KCNQ1: variants seen among roughly 807,000 people sequenced by gnomAD.
KCNQ1 encodes the protein potassium voltage-gated channel subfamily KQT member 1.
KCNQ1 carries 49 observed loss-of-function variants against 72.4 expected under a neutral mutation model. The observed-to-expected ratio is 0.68, with a 90% CI of 0.54 to 0.86. The LOEUF is 0.86. Ranked by LOEUF, KCNQ1 falls within the 40% of genes least tolerant of loss-of-function variation. The probability of loss-of-function intolerance (pLI) is 0.00; values close to 1 mark genes in which losing one functional copy is unlikely to be tolerated. For missense variants in KCNQ1, 790 were observed against 945.1 expected, an observed-to-expected ratio of 0.84 and a Z score of 2.15; for synonymous variants, 450 against 412.6, an observed-to-expected ratio of 1.09 and a Z score of -1.10.
chr11:2,576,002 T>C (rs1057399861), intron 6 of KCNQ1, among the ~76,000 whole-genome samples: 2 of 152,264 alleles, frequency 1.3e-5, no homozygotes, highest in Non-Finnish European at 2.9e-5. Context: ...CGGCCGCCTC[T>C]TTCCTCTGTG....
intron 15 of KCNQ1, among the ~76,000 whole-genome samples, chr11:2,793,270 A>G (rs948982095): frequency 6.6e-6 from 1 of 152,180 alleles, no homozygotes; most frequent in African/African-American, 2.4e-5. Context: ...ACGGGTGGAA[A>G]TTGCACTAGC....
intron 10 of KCNQ1, chr11:2,634,029 C>G (rs906709559): frequency 2.5e-6 from 1 of 398,402 alleles, no homozygotes; most frequent in Non-Finnish European, 4.4e-6. Context: ...GTGCCTCCAG[C>G]TTCATTCTGC....
At chr11:2,845,861 C>G (rs1848315514) in intron 15 of KCNQ1, among the ~76,000 whole-genome samples, 1 of 152,194 alleles carries the variant, frequency 6.6e-6, no homozygotes, top group South Asian at 2.1e-4. Context: ...CCCCTCTCAT[C>G]TCAGCCTCTC....
rs983411938 is a variant in KCNQ1, at chr11:2,450,751, G to A, written c.386+5267G>A. Reference sequence around the variant, plus strand: ...ATTATCGTGGTTGACAAAGGGAGGCGGCTGGTGTCTCTGGTACTGGCTGGG... The same window carrying A: ...ATTATCGTGGTTGACAAAGGGAGGCAGCTGGTGTCTCTGGTACTGGCTGGG... On this transcript the variant is annotated intron_variant, in intron 1 of 15. Coordinates refer to ENST00000155840, the MANE Select transcript of KCNQ1 (RefSeq NM_000218.3). This position sits in a 1 kb window ranked among gnomAD's most constrained non-coding sequence, Gnocchi z 7.9. Among the ~76,000 whole-genome samples, 2 of 152,268 alleles carry A rather than the reference G, an allele frequency of 1.3e-5. No individual in the cohort carries two copies. The highest frequency in any genetic ancestry group is 2.4e-5 in the African/African-American group (1 of 41,540).
chr11:2,737,629 A>C (rs1319854562), intron 11 of KCNQ1, among the ~76,000 whole-genome samples: 4 of 152,224 alleles, frequency 2.6e-5, no homozygotes, highest in Non-Finnish European at 5.9e-5. Flanking sequence ...ACGGCGAAGA[A>C]GCTTTGTGTA....
chr11:2,665,229 G>A (rs1422908052), intron 11 of KCNQ1: 4 of 398,468 alleles, frequency 1.0e-5, no homozygotes, highest in Middle Eastern at 6.2e-4. Flanking sequence ...TAGGTTGAAT[G>A]GGGCACAAGA....
At chr11:2,747,984 T>G (rs916178526) in intron 11 of KCNQ1, among the ~76,000 whole-genome samples, 4 of 152,048 alleles carry the variant, frequency 2.6e-5, no homozygotes, top group African/African-American at 9.7e-5. Flanking sequence ...ACCGGCTGCT[T>G]CCACCACCAG....
chr11:2,833,910 C>T (rs1198466848), intron 15 of KCNQ1, among the ~76,000 whole-genome samples: 2 of 152,196 alleles, frequency 1.3e-5, no homozygotes, highest in African/African-American at 4.8e-5. Context: ...GGCTGGAGCC[C>T]CAGCAACTTC....
rs1846592427 is a variant in KCNQ1 at position 2,477,720 on chromosome 11, C to T, written c.386+32236C>T. Among the ~76,000 whole-genome samples the T allele has an allele frequency of 7.0e-6, 1 of 142,428 alleles. No homozygotes were observed. Among genetic ancestry groups the T allele is most frequent in the Admixed American group, 7.2e-5 (1 of 13,948 alleles). The allele number at this position is 142,428 out of a possible 152,430, so 93.4% of individuals were successfully genotyped here. A position where few individuals can be genotyped will look rare whatever the true frequency, so the allele number is the denominator to read the frequency against. On this transcript the variant is annotated intron_variant, in intron 1 of 15. Coordinates refer to ENST00000155840, the MANE Select transcript of KCNQ1 (RefSeq NM_000218.3). The surrounding 1 kb of genome is among the most constrained non-coding windows in gnomAD (Gnocchi z 5.0). ...CCAGCCTGGGTGACATAGTGAGACC[C>T]CATCTCTTTTTATTAAAAAAAAAAA... is the stretch of plus-strand genomic sequence containing the variant.
intron 10 of KCNQ1, chr11:2,660,852 C>T (rs561906032): frequency 1.9e-4 from 75 of 398,568 alleles, no homozygotes; most frequent in African/African-American, 1.4e-3. Flanking sequence ...TCCAGTATGT[C>T]AGCTTTTAAG....
intron 1 of KCNQ1, among the ~76,000 whole-genome samples, chr11:2,518,298 C>T (rs73419575): frequency 0.04 from 6,079 of 152,276 alleles, 402 homozygotes; most frequent in African/African-American, 0.14. Context: ...CCAGGGCCTC[C>T]GCAGAAGGAG....
rs1846866941 is a variant in KCNQ1 at position 2,493,509 on chromosome 11, C to G, written c.387-34419C>G. Among the ~76,000 whole-genome samples, 1 of 152,166 alleles carries G rather than the reference C, an allele frequency of 6.6e-6. No individual in the cohort carries two copies. Among genetic ancestry groups the G allele is most frequent in the African/African-American group, 2.4e-5 (1 of 41,444 alleles). On this transcript the variant is annotated intron_variant, in intron 1 of 15. Transcript: ENST00000155840. This position sits in a 1 kb window ranked among gnomAD's most constrained non-coding sequence, Gnocchi z 5.3. ...GTTTTACATTTAAGTCTTTAATCAT[C>G]TTGAGTTAATTTTTATATAAGTTGT...
At chr11:2,533,291 G>GA (rs949794000) in intron 2 of KCNQ1, among the ~76,000 whole-genome samples, 1 of 152,166 alleles carries the variant, frequency 6.6e-6, no homozygotes, top group African/African-American at 2.4e-5. Flanking sequence ...CGGTGGGCCT[G>GA]AAAAAGCCAT....
At position 2,725,849 on chromosome 11, in the gene KCNQ1, G is replaced by C. The variant is rs188823471; in HGVS notation, c.1515-42995G>C. On this transcript the variant is annotated intron_variant, in intron 11 of 15. Transcript: ENST00000155840. The surrounding 1 kb of genome is among the most constrained non-coding windows in gnomAD (Gnocchi z 7.2). ...CATCCTGGGCTCTGAGAGCTCCCTG[G>C]GGCCCCACAGGCCAAGCGTTTTCTG... Among the ~76,000 whole-genome samples, 725 of 151,702 alleles carry C rather than the reference G, an allele frequency of 4.8e-3. 12 individuals are homozygous for C. The highest frequency in any genetic ancestry group is 0.017 in the African/African-American group (690 of 41,320).
At chr11:2,847,270 C>T (rs1848349589) in intron 15 of KCNQ1, among the ~76,000 whole-genome samples, 1 of 152,242 alleles carries the variant, frequency 6.6e-6, no homozygotes. Flanking sequence ...TTGCTGAACT[C>T]TGCCCTCTGT....
chr11:2,530,572 C>T (rs1349186238), intron 2 of KCNQ1, among the ~76,000 whole-genome samples: 1 of 152,212 alleles, frequency 6.6e-6, no homozygotes, highest in Non-Finnish European at 1.5e-5. Context: ...GGAATGTGTA[C>T]ACGCATGTGC....
rs914813821 is a variant in KCNQ1 at position 2,720,325 on chromosome 11, A to G, written c.1515-48519A>G. ...CCTCATCCATCCTATGTGTACACTC[A>G]GGCACGTACTCCCTGGCTCAGCCGC... On this transcript the variant is annotated intron_variant, in intron 11 of 15. Transcript: ENST00000155840. The surrounding 1 kb of genome is among the most constrained non-coding windows in gnomAD (Gnocchi z 5.1). Among the ~76,000 whole-genome samples the G allele has an allele frequency of 1.2e-4, 18 of 152,268 alleles. No individual in the cohort carries two copies. The highest frequency in any genetic ancestry group is 4.3e-4 in the African/African-American group (18 of 41,562).
intron 11 of KCNQ1, among the ~76,000 whole-genome samples, chr11:2,763,456 A>G (rs913515603): frequency 3.9e-5 from 6 of 152,172 alleles, no homozygotes; most frequent in Non-Finnish European, 8.8e-5. Context: ...AAAGCAAGAC[A>G]GTAAAGAAGA....
chr11:2,809,379 G>A lies in KCNQ1; in HGVS notation c.1794+31342G>A, dbSNP rs531380719. Among the ~76,000 whole-genome samples the A allele has an allele frequency of 9.7e-4, 147 of 152,244 alleles. No individual in the cohort carries two copies. The highest frequency in any genetic ancestry group is 4.7e-4 in the Non-Finnish European group (32 of 68,024). On this transcript the variant is annotated intron_variant, in intron 15 of 15. Transcript: ENST00000155840. This position sits in a 1 kb window ranked among gnomAD's most constrained non-coding sequence, Gnocchi z 7.1. ...CTCTCAGCTTTGTGTGGTAGCCAGC[G>A]ACGCTGCAACCCCGCCCCCGCAGCC...
Sources: gnomAD v4.1 joint callset for allele counts (sites outside exome capture counted in the v4.1 genomes callset) on GRCh38, gnomAD v4.1.1 for gene constraint, Gnocchi (gnomAD v3.1) non-coding constraint, MANE v1.5 for transcripts, NCBI Gene and HGNC (gene_info 2026-07-23, HGNC 2026-07-21) for gene names.